PCDH7: variants seen among roughly 807,000 people sequenced by gnomAD.
The protein encoded by PCDH7 is protocadherin-7.
In PCDH7, 17 loss-of-function variants were observed where a neutral mutation model predicts 58.9. The ratio of observed to expected loss-of-function variants is 0.29; its 90% confidence interval spans 0.20 to 0.43. The LOEUF (loss-of-function observed/expected upper bound fraction) is 0.43. PCDH7 is among the 20% of genes least tolerant of loss of function. The probability of loss-of-function intolerance (pLI) is 1.00; values close to 1 mark genes in which losing one functional copy is unlikely to be tolerated. For synonymous variants in PCDH7, 664 were observed against 616.4 expected, an observed-to-expected ratio of 1.08 and a Z score of -1.14; for missense variants, 1,274 against 1,441.0, an observed-to-expected ratio of 0.88 and a Z score of 1.88.
intron 3 of PCDH7, among the ~76,000 whole-genome samples, chr4:31,098,259 C>T (rs1377337903): frequency 2.0e-5 from 3 of 152,106 alleles, no homozygotes; most frequent in Admixed American, 6.5e-5. Flanking sequence ...CTTCTGGTCT[C>T]GTGACTGACC....
chr4:31,112,917 A>G (rs1184656535), intron 3 of PCDH7, among the ~76,000 whole-genome samples: 2 of 152,166 alleles, frequency 1.3e-5, no homozygotes, highest in Admixed American at 6.5e-5. Context: ...AGTCAGATTT[A>G]CTGTCTGGGA....
chr4:31,131,442 T>C (rs949101728), intron 3 of PCDH7, among the ~76,000 whole-genome samples: 2 of 152,278 alleles, frequency 1.3e-5, no homozygotes, highest in Admixed American at 1.3e-4. Context: ...TTGCTCCTAA[T>C]TGTGATTGCC....
chr4:31,078,687 ATTT>A (rs1759220124), intron 3 of PCDH7, among the ~76,000 whole-genome samples: 1 of 136,566 alleles, frequency 7.3e-6, no homozygotes, highest in Admixed American at 7.8e-5. Flanking sequence ...CCTAAATGTA[ATTT>A]TCAAGTAATT....
In PCDH7 at chr4:31,047,315, T is replaced by C. The variant is rs73815169; in HGVS notation, c.*8-95158T>C. On this transcript the variant is annotated intron_variant, in intron 3 of 3. Transcript: ENST00000509759. The stretch of plus-strand genomic sequence containing the variant: ...CGCATGTGTACACTACCCTATAGCA[T>C]GATTGACAATTTGTAAGCTCCTAAG... 3.5e-3 allele frequency among the ~76,000 whole-genome samples: 530 copies of C among 152,222 alleles called. 2 individuals carry two copies. Among genetic ancestry groups the C allele is most frequent in the African/African-American group, 0.012 (512 of 41,560 alleles).
intron 3 of PCDH7, among the ~76,000 whole-genome samples, chr4:31,031,964 A>G (rs1003390634): frequency 2.0e-5 from 3 of 152,212 alleles, no homozygotes; most frequent in Non-Finnish European, 2.9e-5. Flanking sequence ...CGTAATATCT[A>G]TATGGGGCTA....
At chr4:30,804,209 T>A (rs997815275) in intron 1 of PCDH7, among the ~76,000 whole-genome samples, 3 of 152,164 alleles carry the variant, frequency 2.0e-5, no homozygotes, top group African/African-American at 7.2e-5. Context: ...AGGAAGACAT[T>A]TACCCACTTG....
chr4:31,063,838 G>A (rs557298378), intron 3 of PCDH7, among the ~76,000 whole-genome samples: 1 of 151,996 alleles, frequency 6.6e-6, no homozygotes, highest in East Asian at 1.9e-4. Flanking sequence ...GCATCTCAAT[G>A]AGGGTCAGTT....
intron 3 of PCDH7, chr4:30,987,855 T>C (rs975080207): frequency 1.3e-5 from 2 of 152,120 alleles, no homozygotes; most frequent in African/African-American, 4.8e-5. Flanking sequence ...TAAGAAATAC[T>C]TTTCTTATTA....
rs147897559 is a variant in PCDH7, at chr4:31,113,062, C to A, written c.*8-29411C>A. Among the ~76,000 whole-genome samples, 79 of 151,996 alleles carry A rather than the reference C, an allele frequency of 5.2e-4. 2 individuals are homozygous for A. Among genetic ancestry groups the A allele is most frequent in the Admixed American group, 4.0e-3 (61 of 15,256 alleles). ...TGGTATTTTTTTTAAGCAAGCAGGT[C>A]TAACCATTGCAAGCAAAAATACTAT... On this transcript the variant is annotated intron_variant, in intron 3 of 3. Transcript: ENST00000509759.
chr4:30,862,319 C>A (rs964192434), intron 1 of PCDH7, among the ~76,000 whole-genome samples: 7 of 152,170 alleles, frequency 4.6e-5, no homozygotes, highest in Non-Finnish European at 8.8e-5. Context: ...CTGTAGCTAA[C>A]ATATTTCCTT....
intron 3 of PCDH7, among the ~76,000 whole-genome samples, chr4:31,029,398 G>A (rs557792595): frequency 4.6e-5 from 7 of 152,310 alleles, no homozygotes; most frequent in East Asian, 1.9e-4. Context: ...CTAGAGGGGC[G>A]CTCAGCAGAT....
intron 3 of PCDH7, among the ~76,000 whole-genome samples, chr4:30,992,239 C>T (rs573216223): frequency 3.3e-5 from 5 of 152,258 alleles, no homozygotes; most frequent in Non-Finnish European, 4.4e-5. Flanking sequence ...TGTTGCATAA[C>T]GGTCATATGA....
intron 1 of PCDH7, among the ~76,000 whole-genome samples, chr4:30,870,312 G>A (rs1344822557): frequency 2.0e-5 from 3 of 151,842 alleles, no homozygotes; most frequent in African/African-American, 7.3e-5. Context: ...GTCAATTTTG[G>A]GTTTTGTTGG....
chr4:31,145,990 T>A (rs940226765), downstream of PCDH7: 3 of 152,118 alleles, frequency 2.0e-5, no homozygotes, highest in East Asian at 1.9e-4. Context: ...TATAAATTAA[T>A]GAGTAACTAT....
At chr4:31,108,517 CACATGGTTT>C (rs1428994245) in intron 3 of PCDH7, among the ~76,000 whole-genome samples, 1 of 151,566 alleles carries the variant, frequency 6.6e-6, no homozygotes, top group Non-Finnish European at 1.5e-5. Context: ...GTGTTTGTGC[CACATGGTTT>C]TCTACTATCA....
intron 1 of PCDH7, among the ~76,000 whole-genome samples, chr4:30,773,612 G>A (rs563417224): frequency 3.7e-4 from 56 of 152,022 alleles, no homozygotes; most frequent in African/African-American, 1.3e-3. Flanking sequence ...GAAGTCATCC[G>A]CAACTTCCAC....
intron 3 of PCDH7, among the ~76,000 whole-genome samples, chr4:31,125,242 A>G (rs1378887875): frequency 2.0e-5 from 3 of 152,194 alleles, no homozygotes; most frequent in Non-Finnish European, 4.4e-5. Flanking sequence ...TTGGACACCA[A>G]CAGTCACATC....
chr4:31,128,144 T>C (rs1047811400), intron 3 of PCDH7, among the ~76,000 whole-genome samples: 1 of 151,412 alleles, frequency 6.6e-6, no homozygotes, highest in Non-Finnish European at 1.5e-5. Flanking sequence ...CATATACATA[T>C]ATACACACAC....
intron 3 of PCDH7, among the ~76,000 whole-genome samples, chr4:31,141,941 TC>T (rs969941385): frequency 1.3e-5 from 2 of 152,204 alleles, no homozygotes; most frequent in Non-Finnish European, 2.9e-5. Flanking sequence ...CAATTTAGGT[TC>T]TACTTATGAG....
Sources: gnomAD v4.1 joint callset for allele counts (sites outside exome capture counted in the v4.1 genomes callset) on GRCh38, gnomAD v4.1.1 for gene constraint, MANE v1.5 for transcripts, NCBI Gene and HGNC (gene_info 2026-07-23, HGNC 2026-07-21) for gene names.